NPHP3: variants seen among roughly 807,000 people sequenced by gnomAD.
The protein encoded by NPHP3 is nephrocystin-3.
Under a neutral mutation model 171.9 loss-of-function variants are expected in NPHP3, and 123 were observed. That is an observed-to-expected ratio of 0.72 (90% CI 0.62 to 0.83). NPHP3 has a LOEUF of 0.83. Among genes scored for constraint, NPHP3 ranks in the 40% least tolerant of loss-of-function variants. The pLI is 0.00. For synonymous variants in NPHP3, 558 were observed against 579.2 expected (o/e 0.96, Z 0.52); for missense variants, 1,506 against 1,591.9 (o/e 0.95, Z 0.92).
intron 13 of NPHP3, 59 bp from the exon 14 acceptor site, chr3:132,697,421 C>A (rs1482290819): frequency 6.3e-6 from 7 of 1,109,376 alleles, no homozygotes; most frequent in Admixed American, 1.7e-5. Context: ...CTGTAATTAC[C>A]CATAACACAA....
rs756410676 is a variant in NPHP3, at chr3:132,690,514, A to G, written c.2693+14T>C. On this transcript the variant is annotated intron_variant, in intron 19 of 26. Transcript: ENST00000337331. ...CTCTCTTTCTGGGGAAAGATGTTCTATAATGTTTCTTACCTTTTATAAAGG... is the reference window on the plus strand; with the variant it reads ...CTCTCTTTCTGGGGAAAGATGTTCTGTAATGTTTCTTACCTTTTATAAAGG... 2 of 1,610,198 alleles carry G rather than the reference A, an allele frequency of 1.2e-6. No individual in the cohort carries two copies. The highest frequency in any genetic ancestry group is 2.7e-5 in the African/African-American group (2 of 74,866).
At chr3:132,712,685 G>C (rs1939945208) in intron 6 of NPHP3, among the ~76,000 whole-genome samples, 1 of 152,064 alleles carries the variant, frequency 6.6e-6, no homozygotes, top group African/African-American at 2.4e-5. Context: ...AGAATGGTGT[G>C]AACCTGGGAG....
intron 16 of NPHP3, 110 bp from the exon 17 acceptor site, chr3:132,692,928 T>A (rs1939337098): frequency 7.2e-6 from 6 of 837,318 alleles, no homozygotes; most frequent in South Asian, 4.5e-5. Flanking sequence ...CCAAAACTTA[T>A]AATTCAAATG....
intron 5 of NPHP3, among the ~76,000 whole-genome samples, chr3:132,714,585 C>T (rs779952450): frequency 2.5e-4 from 38 of 152,082 alleles, no homozygotes; most frequent in African/African-American, 9.2e-4. Flanking sequence ...TTAAATTAGC[C>T]GTATGTGGTG....
In NPHP3 at chr3:132,697,225, GAGT is replaced by G. The variant is rs752486896; in HGVS notation, c.2088+32_2088+34del. 139 of 1,297,024 alleles carry G rather than the reference GAGT, an allele frequency of 1.1e-4. 3 individuals carry two copies. The South Asian group carries it at 1.6e-3, about 15-fold the overall frequency. 80.3% of individuals were successfully genotyped at this position (1,297,024 alleles called of 1,614,324 possible). On this transcript the variant is annotated intron_variant, in intron 14 of 26. Coordinates refer to ENST00000337331, the MANE Select transcript of NPHP3 (RefSeq NM_153240.5). ...AAGATGTTTCATAGGAAAGATGAGA[GAGT>G]AAAAGATTGCATCAAAATGAAAAAT... is the stretch of plus-strand genomic sequence containing the variant.
At chr3:132,695,524 A>C (rs2107975379) in intron 15 of NPHP3, among the ~76,000 whole-genome samples, 1 of 152,344 alleles carries the variant, frequency 6.6e-6, no homozygotes. Context: ...ACTTTCAATG[A>C]ACATTATTAA....
chr3:132,708,706 C>T (rs1235883106), intron 6 of NPHP3, among the ~76,000 whole-genome samples: 3 of 152,184 alleles, frequency 2.0e-5, no homozygotes, highest in Admixed American at 6.5e-5. Context: ...TCCAGGGCAA[C>T]AGCCAGGCTC....
Position 132,722,334 on chromosome 3 carries a change from C to T in NPHP3, c.22G>A (p.Val8Met). The T allele has an allele frequency of 6.3e-7, 1 of 1,578,466 alleles. No individual in the cohort carries two copies. Reference sequence around the variant, plus strand: ...ATCACTTCCCCGCCCGCGGGGCTCACGAGCGACGAGGCGGTCCCCATGGCG... The same window carrying T: ...ATCACTTCCCCGCCCGCGGGGCTCATGAGCGACGAGGCGGTCCCCATGGCG... MGTASSL[V>M]SPAGGEVIED... Residue 8 changes from valine to methionine, a missense_variant, in exon 1 of 27, where the codon GTG (valine) becomes ATG (methionine). Coordinates refer to ENST00000337331, the MANE Select transcript of NPHP3 (RefSeq NM_153240.5).
In NPHP3 at chr3:132,686,327, C is replaced by T; in HGVS notation, c.3262G>A (p.Asp1088Asn). Residue 1088 changes from aspartate to asparagine, a missense_variant, in exon 23 of 27, where the codon GAC becomes AAC. Asp to Asn is a conservative substitution (Grantham distance 23). This residue lies in a region of NPHP3 where 569 missense variants were observed against 648.1 expected (regional missense o/e 0.88). Transcript: ENST00000337331. ...AGGGTCCGAGCATTATCAGGTGTGT[C>T]CTTACCTAATGTAAGCTCTTCTAAC... ...LQLEELTLGKDTPDNARTLNE... is the reference protein window; with the variant it reads ...LQLEELTLGKNTPDNARTLNE... 1 of 1,613,656 alleles carries T rather than the reference C, an allele frequency of 6.2e-7. No homozygotes were observed. The highest frequency in any genetic ancestry group is 8.5e-7 in the Non-Finnish European group (1 of 1,179,608).
chr3:132,701,593 G>C, intron 9 of NPHP3, 60 bp from the exon 10 acceptor site: 2 of 1,032,988 alleles, frequency 1.9e-6, no homozygotes. Flanking sequence ...CTACTGAAGA[G>C]TCAACTTCTG....
intron 8 of NPHP3, 81 bp downstream of exon 8, chr3:132,705,659 G>T: frequency 1.3e-6 from 1 of 765,354 alleles, no homozygotes; most frequent in Non-Finnish European, 2.3e-6. Flanking sequence ...ACAAGCAAGT[G>T]GTTTTCTCTG....
At chr3:132,696,657 G>C in intron 15 of NPHP3, 74 bp downstream of exon 15, 1 of 1,321,282 alleles carries the variant, frequency 7.6e-7, no homozygotes, top group Non-Finnish European at 1.1e-6. Flanking sequence ...TCAGTTCTCA[G>C]TTTTGCAGGG....
At chr3:132,718,831 T>C (rs1386242113) in intron 3 of NPHP3, among the ~76,000 whole-genome samples, 163 bp downstream of exon 3, 1 of 152,176 alleles carries the variant, frequency 6.6e-6, no homozygotes, top group African/African-American at 2.4e-5. Flanking sequence ...AGAAGAGGTG[T>C]CTTAGCAGCT....
chr3:132,706,260 G>A (rs1365250586), intron 7 of NPHP3, among the ~76,000 whole-genome samples: 4 of 151,760 alleles, frequency 2.6e-5, no homozygotes, highest in Non-Finnish European at 5.9e-5. Context: ...TCAGGAGGTT[G>A]AGGCAAGAGA....
intron 7 of NPHP3, among the ~76,000 whole-genome samples, chr3:132,707,125 A>G (rs1939775438): frequency 2.0e-5 from 3 of 152,330 alleles, no homozygotes; most frequent in Middle Eastern, 6.8e-3. Flanking sequence ...CTCCGTGTAC[A>G]GTAATAAAAA....
At chr3:132,687,546 C>CAGGA (rs1939192767) in intron 21 of NPHP3, among the ~76,000 whole-genome samples, 1 of 152,186 alleles carries the variant, frequency 6.6e-6, no homozygotes, top group African/African-American at 2.4e-5. Flanking sequence ...TAATTTAACT[C>CAGGA]ATCCTAAGTC....
intron 17 of NPHP3, 100 bp downstream of exon 17, chr3:132,692,554 C>T: frequency 1.0e-6 from 1 of 992,802 alleles, no homozygotes; most frequent in Non-Finnish European, 1.6e-6. Flanking sequence ...GAATTTATTC[C>T]TTTGGCAGAA....
intron 25 of NPHP3, 75 bp from the exon 26 acceptor site, chr3:132,682,893 C>G: frequency 1.1e-6 from 1 of 878,764 alleles, no homozygotes; most frequent in South Asian, 1.3e-5. Flanking sequence ...AGCTAACCTA[C>G]TTTGATTAGT....
intron 6 of NPHP3, among the ~76,000 whole-genome samples, chr3:132,708,712 G>C (rs1939823629): frequency 6.6e-6 from 1 of 152,220 alleles, no homozygotes; most frequent in African/African-American, 2.4e-5. Context: ...GCAACAGCCA[G>C]GCTCCTGCAC....
Sources: gnomAD v4.1 joint callset for allele counts (sites outside exome capture counted in the v4.1 genomes callset) on GRCh38, gnomAD v4.1.1 for gene constraint, gnomAD v4.1.1 regional missense constraint, MANE v1.5 for transcripts, NCBI Gene and HGNC (gene_info 2026-07-23, HGNC 2026-07-21) for gene names.